The following MICU3 variants were observed in gnomAD, a reference collection of about 807,000 sequenced individuals.
MICU3 encodes the protein mitochondrial calcium uptake 3.
A neutral mutation model predicts 66.5 loss-of-function variants in MICU3; 62 were observed. That is an observed-to-expected ratio of 0.93 (90% confidence interval 0.76 to 1.15). The LOEUF (loss-of-function observed/expected upper bound fraction) is 1.15. Among genes scored for constraint, MICU3 ranks in the 50% most tolerant of loss-of-function variants. The pLI is 0.00. For synonymous variants in MICU3, 308 were observed against 240.7 expected, an observed-to-expected ratio of 1.28 and a Z score of -2.59; for missense variants, 779 against 664.4, an observed-to-expected ratio of 1.17 and a Z score of -1.90.
intron 8 of MICU3, among the ~76,000 whole-genome samples, chr8:17,096,158 T>C (rs189308324): frequency 6.6e-6 from 1 of 152,048 alleles, no homozygotes; most frequent in Admixed American, 6.6e-5. Context: ...CGTATTGGTC[T>C]ACTATTTACA....
At chr8:17,076,937 G>T (rs993318905) in intron 3 of MICU3, among the ~76,000 whole-genome samples, 6 of 152,106 alleles carry the variant, frequency 3.9e-5, no homozygotes, top group Admixed American at 3.3e-4. Flanking sequence ...TAACTTTGTT[G>T]TTTCAAATTA....
chr8:17,104,216 CTTTAT>C (rs1801526729), intron 9 of MICU3, among the ~76,000 whole-genome samples, 170 bp from the exon 10 acceptor site: 2 of 151,836 alleles, frequency 1.3e-5, no homozygotes, highest in East Asian at 1.9e-4. Context: ...AAAATGTGAG[CTTTAT>C]TTTAACTATA....
intron 7 of MICU3, among the ~76,000 whole-genome samples, 191 bp from the exon 8 acceptor site, chr8:17,090,355 T>C (rs1373739367): frequency 6.6e-6 from 1 of 152,116 alleles, no homozygotes; most frequent in African/African-American, 2.4e-5. Flanking sequence ...TTATCTGAGA[T>C]TTTTAAAACT....
At chr8:17,064,367 C>A in intron 2 of MICU3, 130 bp downstream of exon 2, 1 of 607,700 alleles carries the variant, frequency 1.6e-6, no homozygotes, top group Non-Finnish European at 2.7e-6. Flanking sequence ...TTGTGCTATT[C>A]AGTGTTACAG....
rs996511309 is a variant in MICU3, at chr8:17,120,529, C to G, written c.*242C>G. 1 of 152,106 alleles carries G rather than the reference C, an allele frequency of 6.6e-6. No homozygotes were observed. The highest frequency in any genetic ancestry group is 6.6e-5 in the Admixed American group (1 of 15,266). The allele number at this position is 152,106 out of a possible 1,614,324, so 9.4% of individuals were successfully genotyped here. ...TTGAGCTTTGCCTTGATTTGCTGAA[C>G]TCTCTGCACTTTTTCATTCCCTTCA... On this transcript the variant is annotated 3_prime_UTR_variant, in exon 15 of 15. Coordinates refer to ENST00000318063, the MANE Select transcript of MICU3 (RefSeq NM_181723.3).
At position 17,115,549 on chromosome 8, in the gene MICU3, T is replaced by A. The variant is rs1563399342; in HGVS notation, c.1367-894T>A. 2.0e-5 allele frequency among the ~76,000 whole-genome samples: 3 copies of A among 152,284 alleles called. No individual in the cohort carries two copies. In the East Asian group the frequency reaches 5.8e-4, roughly 29 times the overall value. ...CTTGCAGGCGCTAGAAATACGTCCATCTCTTTTTGCCATCACAAGTATCTT... is the reference window on the plus strand; with the variant it reads ...CTTGCAGGCGCTAGAAATACGTCCAACTCTTTTTGCCATCACAAGTATCTT... On this transcript the variant is annotated intron_variant, in intron 12 of 14. Coordinates refer to ENST00000318063, the MANE Select transcript of MICU3 (RefSeq NM_181723.3).
intron 2 of MICU3, among the ~76,000 whole-genome samples, chr8:17,069,430 C>G (rs1819207400): frequency 6.6e-6 from 1 of 151,944 alleles, no homozygotes; most frequent in Non-Finnish European, 1.5e-5. Context: ...CCAGAAAGCC[C>G]AAATTAAGAT....
intron 14 of MICU3, among the ~76,000 whole-genome samples, chr8:17,119,097 T>C (rs2150842896): frequency 6.6e-6 from 1 of 152,284 alleles, no homozygotes; most frequent in East Asian, 1.9e-4. Context: ...TTATTTTAGT[T>C]GTCTGGCACT....
chr8:17,129,623 GGAAAA>G, the MICU3 span, among the ~76,000 whole-genome samples: 31 of 152,116 alleles, frequency 2.0e-4, no homozygotes, highest in East Asian at 5.6e-3. Flanking sequence ...AAACTATTGA[GGAAAA>G]GAAAAGAATA....
At chr8:17,042,613 G>C (rs1585195954) in intron 1 of MICU3, among the ~76,000 whole-genome samples, 1 of 152,176 alleles carries the variant, frequency 6.6e-6, no homozygotes, top group African/African-American at 2.4e-5. Flanking sequence ...TACCATAGTA[G>C]TGCTACCATA....
intron 13 of MICU3, 70 bp from the exon 14 acceptor site, chr8:17,118,637 C>T (rs1376554132): frequency 4.0e-6 from 4 of 997,898 alleles, no homozygotes; most frequent in African/African-American, 3.2e-5. Flanking sequence ...TTTTAGATTC[C>T]ACATGTAAGT....
the MICU3 span, among the ~76,000 whole-genome samples, chr8:17,129,167 A>C: frequency 6.6e-6 from 1 of 152,208 alleles, no homozygotes. Flanking sequence ...TACCGCAGCT[A>C]CCTGCCAGAA....
intron 6 of MICU3, among the ~76,000 whole-genome samples, chr8:17,086,585 A>G (rs1253465809): frequency 6.6e-6 from 1 of 152,132 alleles, no homozygotes; most frequent in African/African-American, 2.4e-5. Context: ...ACTGTATTTT[A>G]GGAACTTTCA....
At chr8:17,080,758 C>T (rs1176608116) in intron 4 of MICU3, among the ~76,000 whole-genome samples, 1 of 152,072 alleles carries the variant, frequency 6.6e-6, no homozygotes, top group Non-Finnish European at 1.5e-5. Flanking sequence ...TGACAAACTG[C>T]CTGACAGTGA....
In MICU3 at chr8:17,077,849, C is replaced by G. The variant is rs770410801; in HGVS notation, c.634C>G (p.Leu212Val). The change falls in exon 4 of 15, where the codon CTT becomes GTT. Residue 212 changes from leucine (L) to valine (V), a missense_variant. Transcript: ENST00000318063. ...AGGCTCATCGAAGCTATTTCGAAATCTTAAAGAAAAAGGTGAGTTAACCTT... is the reference window on the plus strand; with the variant it reads ...AGGCTCATCGAAGCTATTTCGAAATGTTAAAGAAAAAGGTGAGTTAACCTT... ...WKGSSKLFRN[L>V]KEKGVISYTE... The G allele has an allele frequency of 2.5e-6, 4 of 1,609,478 alleles. No homozygotes were observed. The highest frequency in any genetic ancestry group is 3.4e-6 in the Non-Finnish European group (4 of 1,176,830).
intron 2 of MICU3, among the ~76,000 whole-genome samples, chr8:17,066,083 T>A (rs923109003): frequency 3.3e-5 from 5 of 151,050 alleles, no homozygotes; most frequent in Admixed American, 6.6e-5. Flanking sequence ...TTTTTTTTTT[T>A]ATTTACGAAT....
At chr8:17,039,321 G>A (rs1813623691) in intron 1 of MICU3, among the ~76,000 whole-genome samples, 1 of 152,190 alleles carries the variant, frequency 6.6e-6, no homozygotes, top group South Asian at 2.1e-4. Context: ...TGTATCCGAA[G>A]TATGCCTGTA....
chr8:17,078,819 G>A (rs941508660), intron 4 of MICU3, among the ~76,000 whole-genome samples: 1 of 152,006 alleles, frequency 6.6e-6, no homozygotes, highest in Non-Finnish European at 1.5e-5. Context: ...TCATAAGTAA[G>A]ATTTTTAAAT....
intron 3 of MICU3, among the ~76,000 whole-genome samples, chr8:17,071,459 C>T (rs1238950387): frequency 6.6e-6 from 1 of 152,068 alleles, no homozygotes; most frequent in African/African-American, 2.4e-5. Flanking sequence ...AGGGCTCATC[C>T]TGATGACCTT....
Sources: allele counts gnomAD v4.1 joint callset (sites outside exome capture counted in the v4.1 genomes callset), GRCh38; gene constraint gnomAD v4.1.1; transcripts MANE v1.5; gene names NCBI Gene and HGNC (gene_info 2026-07-23, HGNC 2026-07-21).